The following RASGRP1 variants were observed in gnomAD, a reference collection of about 807,000 sequenced individuals.
The protein encoded by RASGRP1 is RAS guanyl releasing protein 1.
In RASGRP1, 37 loss-of-function variants were observed where a neutral mutation model predicts 95.1. The observed-to-expected ratio is 0.39, with a 90% CI of 0.30 to 0.51. RASGRP1 has a LOEUF of 0.51. Among genes scored for constraint, RASGRP1 ranks in the 20% least tolerant of loss-of-function variants. The pLI is 0.80. For synonymous variants in RASGRP1, 325 were observed against 353.4 expected (o/e 0.92, Z 0.90); for missense variants, 711 against 965.4 (o/e 0.74, Z 3.49).
At chr15:38,554,774 G>A (rs1244572706) in intron 2 of RASGRP1, among the ~76,000 whole-genome samples, 5 of 152,226 alleles carry the variant, frequency 3.3e-5, no homozygotes, top group Non-Finnish European at 7.3e-5. Flanking sequence ...GCCTCAGGAT[G>A]CAAGTGCCCC....
chr15:38,500,112 G>A lies in RASGRP1; in HGVS notation c.1711C>T (p.Arg571Ter), dbSNP rs1354798579. Reference protein sequence around the residue: ...FLWGVIKQGYRCKDCGMNCHK... With the variant: ...FLWGVIKQGY ...CAATATTGAGTCTTACCTTTACATC[G>A]ATATCCTTGTTTGATCACTCCCCAG... Residue 571 changes from arginine (R) to a stop codon, truncating the protein, a stop_gained, in exon 14 of 17, where the codon CGA (arginine) becomes TGA (stop). Coordinates refer to ENST00000310803, the MANE Select transcript of RASGRP1 (RefSeq NM_005739.4). LOFTEE classifies it high-confidence loss of function. 2.5e-6 allele frequency: 4 copies of A among 1,612,848 alleles called. No homozygotes were observed. Among genetic ancestry groups the A allele is most frequent in the Non-Finnish European group, 1.7e-6 (2 of 1,179,568 alleles).
At position 38,564,717 on chromosome 15, in the gene RASGRP1, T is replaced by C. The variant is rs1893966323; in HGVS notation, c.-89A>G. On this transcript the variant is annotated 5_prime_UTR_variant, in exon 1 of 17. Transcript: ENST00000310803. Reference sequence around the variant, plus strand: ...GCCACCACCGCCGCCGCCTGCCGGCTCTCTCCCCCCCGGGCCTCGTAGCCC... The same window carrying C: ...GCCACCACCGCCGCCGCCTGCCGGCCCTCTCCCCCCCGGGCCTCGTAGCCC... The C allele has an allele frequency of 9.0e-7, 1 of 1,109,164 alleles. No homozygotes were observed. Among genetic ancestry groups the C allele is most frequent in the Non-Finnish European group, 1.1e-6 (1 of 895,988 alleles). The allele number at this position is 1,109,164 out of a possible 1,614,324, so 68.7% of individuals were successfully genotyped here.
chr15:38,523,254 G>T (rs2141134910), intron 3 of RASGRP1, among the ~76,000 whole-genome samples: 1 of 152,304 alleles, frequency 6.6e-6, no homozygotes. Flanking sequence ...GGTCCCATGA[G>T]ATTACAATGA....
chr15:38,541,337 T>G (rs1487907938), intron 2 of RASGRP1, among the ~76,000 whole-genome samples: 9 of 152,164 alleles, frequency 5.9e-5, no homozygotes, highest in Non-Finnish European at 1.5e-5. Context: ...TGACGTGTAA[T>G]CACAGCACTT....
At chr15:38,519,496 TTATC>T (rs1304709277) in intron 3 of RASGRP1, 125 bp from the exon 4 acceptor site, 2 of 750,874 alleles carry the variant, frequency 2.7e-6, no homozygotes, top group Admixed American at 5.0e-5. Flanking sequence ...ATGTGATGCT[TTATC>T]TTTCTGGCCA....
chr15:38,505,845 C>T lies in RASGRP1; in HGVS notation c.1318G>A (p.Ala440Thr). The change falls in exon 10 of 17, where the codon GCT (alanine) becomes ACT (threonine). Residue 440 changes from alanine (A) to threonine (T), a missense_variant. By Grantham distance (58) the Ala-to-Thr change is moderately conservative. Transcript: ENST00000310803. The stretch of plus-strand genomic sequence containing the variant: ...TCTTAATATGAAAAACTCACTGGAG[C>T]TCTGTGGTTCCTTGGTTCCCGGGCA... ...SYAREPRNHR[A>T]PPLTPSKPPV... The T allele has an allele frequency of 1.9e-6, 3 of 1,605,324 alleles. No homozygotes were observed. Among genetic ancestry groups the T allele is most frequent in the Non-Finnish European group, 2.6e-6 (3 of 1,172,968 alleles).
intron 2 of RASGRP1, among the ~76,000 whole-genome samples, chr15:38,551,672 A>C (rs769841230): frequency 6.6e-6 from 1 of 152,212 alleles, no homozygotes; most frequent in Non-Finnish European, 1.5e-5. Context: ...GTTTCTATAC[A>C]TGACAATATC....
chr15:38,541,613 T>C (rs562820440), intron 2 of RASGRP1, among the ~76,000 whole-genome samples: 55 of 152,120 alleles, frequency 3.6e-4, no homozygotes, highest in African/African-American at 1.2e-3. Flanking sequence ...TATATATATA[T>C]ACACACACAC....
At chr15:38,554,103 A>G (rs1369600212) in intron 2 of RASGRP1, among the ~76,000 whole-genome samples, 1 of 151,784 alleles carries the variant, frequency 6.6e-6, no homozygotes. Context: ...TGTTCAACAC[A>G]CTCCCTGATT....
intron 11 of RASGRP1, 193 bp downstream of exon 11, chr15:38,503,079 C>T: frequency 1.7e-6 from 1 of 589,466 alleles, no homozygotes; most frequent in Non-Finnish European, 3.0e-6. Context: ...GGCACAACTG[C>T]CTTCATATGA....
intron 3 of RASGRP1, among the ~76,000 whole-genome samples, chr15:38,522,949 T>A (rs115412618): frequency 6.6e-6 from 1 of 152,080 alleles, no homozygotes; most frequent in Non-Finnish European, 1.5e-5. Flanking sequence ...GCGGACCATG[T>A]AGATACAAAG....
chr15:38,535,893 G>A (rs1892623463), intron 2 of RASGRP1, among the ~76,000 whole-genome samples: 1 of 152,198 alleles, frequency 6.6e-6, no homozygotes, highest in South Asian at 2.1e-4. Flanking sequence ...TCAGAAGTCA[G>A]GAGGGAAGTT....
intron 3 of RASGRP1, among the ~76,000 whole-genome samples, chr15:38,526,066 TG>T (rs1892207425): frequency 6.6e-6 from 1 of 152,164 alleles, no homozygotes. Context: ...GCTTGCATAT[TG>T]ATTTCTTTGA....
At chr15:38,542,835 GTA>G (rs769461736) in intron 2 of RASGRP1, among the ~76,000 whole-genome samples, 18 of 107,176 alleles carry the variant, frequency 1.7e-4, no homozygotes, top group South Asian at 6.6e-4. Flanking sequence ...ATATATATGT[GTA>G]TATATATATA....
chr15:38,494,505 T>C lies in RASGRP1; in HGVS notation c.2136A>G (p.Pro712=). 6.2e-7 allele frequency: 1 copy of C among 1,604,946 alleles called. No individual in the cohort carries two copies. The highest frequency in any genetic ancestry group is 8.5e-7 in the Non-Finnish European group (1 of 1,175,530). The part of the protein sequence containing the change: ...TLYVLPSPTS[P]CPSPVLVRKR... The stretch of plus-strand genomic sequence containing the variant: ...TTCTGACCAAGACTGGGCTAGGACA[T>C]GGAGAGGTGGGACTGGGAAGCACAT... Residue 712 remains proline (P), a synonymous_variant, in exon 16 of 17, where the codon CCA becomes CCG. Coordinates refer to ENST00000310803, the MANE Select transcript of RASGRP1 (RefSeq NM_005739.4).
intron 2 of RASGRP1, among the ~76,000 whole-genome samples, chr15:38,529,785 C>T (rs1356650010): frequency 6.6e-6 from 1 of 152,116 alleles, no homozygotes; most frequent in East Asian, 1.9e-4. Flanking sequence ...TAACTTTTCA[C>T]AGATATTTAG....
At chr15:38,499,761 T>G (rs1890940867) in intron 14 of RASGRP1, among the ~76,000 whole-genome samples, 3 of 152,146 alleles carry the variant, frequency 2.0e-5, no homozygotes, top group Non-Finnish European at 4.4e-5. Flanking sequence ...ATAATCCCCA[T>G]GTGTCATGGG....
Position 38,489,075 on chromosome 15 carries a change from A to G in RASGRP1, c.*1479T>C, listed in dbSNP as rs1346806633. 1 of 151,998 alleles carries G rather than the reference A, an allele frequency of 6.6e-6. No individual in the cohort carries two copies. Among genetic ancestry groups the G allele is most frequent in the East Asian group, 1.9e-4 (1 of 5,200 alleles). 9.4% of individuals were successfully genotyped at this position (151,998 alleles called of 1,614,324 possible). A position where few individuals can be genotyped will look rare whatever the true frequency, so the allele number is the denominator to read the frequency against. On this transcript the variant is annotated 3_prime_UTR_variant, in exon 17 of 17. Transcript: ENST00000310803. ...GAATCCTCCAGGTAAGCAATACTGT[A>G]TGTATACTTTGTATTCTTATGAAGA...
intron 8 of RASGRP1, among the ~76,000 whole-genome samples, chr15:38,508,268 TTA>T (rs1566915434): frequency 6.6e-6 from 1 of 152,248 alleles, no homozygotes; most frequent in African/African-American, 2.4e-5. Context: ...TTTATCATTT[TTA>T]TGTTAAAATT....
Sources: gnomAD v4.1 joint callset for allele counts (sites outside exome capture counted in the v4.1 genomes callset) on GRCh38, gnomAD v4.1.1 for gene constraint, MANE v1.5 for transcripts, NCBI Gene and HGNC (gene_info 2026-07-23, HGNC 2026-07-21) for gene names.